WASF3: variants seen among roughly 807,000 people sequenced by gnomAD.
The protein encoded by WASF3 is WASP family member 3.
A neutral mutation model predicts 46.6 loss-of-function variants in WASF3; 11 were observed. The observed-to-expected ratio is 0.24, with a 90% CI of 0.15 to 0.39. The LOEUF is 0.39. Among genes scored for constraint, WASF3 ranks in the 10% least tolerant of loss-of-function variants. The pLI is 1.00. For missense variants in WASF3, 576 were observed against 669.8 expected, an observed-to-expected ratio of 0.86 and a Z score of 1.55; for synonymous variants, 242 against 259.7, an observed-to-expected ratio of 0.93 and a Z score of 0.65.
chr13:26,633,061 CTT>C (rs1297974501), intron 2 of WASF3, among the ~76,000 whole-genome samples: 1 of 152,012 alleles, frequency 6.6e-6, no homozygotes, highest in Non-Finnish European at 1.5e-5. Context: ...ATTCTTTTCT[CTT>C]TTCTTCTTTA....
intron 2 of WASF3, among the ~76,000 whole-genome samples, chr13:26,623,308 G>A (rs1593154242): frequency 6.6e-6 from 1 of 152,280 alleles, no homozygotes; most frequent in East Asian, 1.9e-4. Flanking sequence ...GGTAATCTCA[G>A]CTGCCACTGG....
chr13:26,645,402 C>T (rs570658361), intron 3 of WASF3, among the ~76,000 whole-genome samples: 68 of 152,294 alleles, frequency 4.5e-4, no homozygotes, highest in African/African-American at 1.6e-3. Flanking sequence ...AAGCCACCTA[C>T]TCTGTGGTCT....
rs398022033 is a variant in WASF3, at chr13:26,582,676, CAAAAAAAAAA to C, written c.-109+24871_-109+24880del. On this transcript the variant is annotated intron_variant, in intron 1 of 9. Transcript: ENST00000335327. ...TGGGTGACCGAGTGAGACTCCGTCT[CAAAAAAAAAA>C]AAAAAAAAAAAAAGCCTACCTCACA... Among the ~76,000 whole-genome samples the C allele has an allele frequency of 7.5e-5, 4 of 53,404 alleles. No homozygotes were observed. The East Asian group carries it at 2.0e-3, about 26-fold the overall frequency. 35.0% of individuals were successfully genotyped at this position (53,404 alleles called of 152,430 possible). A position where few individuals can be genotyped will look rare whatever the true frequency, so the allele number is the denominator to read the frequency against.
At chr13:26,665,300 G>A (rs1882738852) in intron 4 of WASF3, 138 bp downstream of exon 4, 11 of 1,040,078 alleles carry the variant, frequency 1.1e-5, no homozygotes, top group Middle Eastern at 2.8e-4. Flanking sequence ...AATAGCGAGG[G>A]GGAAAAACCT....
chr13:26,582,427 G>C (rs1340543333), intron 1 of WASF3, among the ~76,000 whole-genome samples: 1 of 152,030 alleles, frequency 6.6e-6, no homozygotes, highest in Non-Finnish European at 1.5e-5. Flanking sequence ...TGTAATCCTA[G>C]CACTTTGGGA....
rs189365775 is a variant in WASF3 at position 26,628,684 on chromosome 13, G to A, written c.-10-13577G>A. On this transcript the variant is annotated intron_variant, in intron 2 of 9. Coordinates refer to ENST00000335327, the MANE Select transcript of WASF3 (RefSeq NM_006646.6). The stretch of plus-strand genomic sequence containing the variant: ...CATGGTAACATGAGTCCAAAGTACC[G>A]TGGTGGCATCCAGAACTTGCAGTTC... Among the ~76,000 whole-genome samples, 673 of 152,244 alleles carry A rather than the reference G, an allele frequency of 4.4e-3. 19 individuals are homozygous for A. The highest frequency in any genetic ancestry group is 0.039 in the Admixed American group (603 of 15,292).
intron 1 of WASF3, among the ~76,000 whole-genome samples, chr13:26,610,090 C>G (rs554092964): frequency 1.3e-5 from 2 of 152,244 alleles, no homozygotes; most frequent in Admixed American, 6.5e-5. Flanking sequence ...GCGGGACATT[C>G]ATTTGGACAG....
At chr13:26,593,553 T>G (rs1046127719) in intron 1 of WASF3, among the ~76,000 whole-genome samples, 4 of 152,240 alleles carry the variant, frequency 2.6e-5, no homozygotes, top group African/African-American at 7.2e-5. Context: ...GATAATATTC[T>G]TTTGTCACTG....
chr13:26,648,104 C>T (rs942022439), intron 3 of WASF3, among the ~76,000 whole-genome samples: 2 of 152,050 alleles, frequency 1.3e-5, no homozygotes, highest in Admixed American at 6.6e-5. Flanking sequence ...TAATTACATA[C>T]ATCTCTGGTT....
chr13:26,540,449 T>C, the WASF3 span, among the ~76,000 whole-genome samples: 1 of 152,210 alleles, frequency 6.6e-6, no homozygotes, highest in Non-Finnish European at 1.5e-5. Context: ...AGCATTGGCC[T>C]GGCTCCTAAT....
At chr13:26,568,032 G>A (rs534668819) in intron 1 of WASF3, among the ~76,000 whole-genome samples, 92 of 152,174 alleles carry the variant, frequency 6.0e-4, no homozygotes, top group African/African-American at 2.1e-3. Context: ...ATACCGAGTA[G>A]CAGCAGGGAG....
At chr13:26,541,684 T>C in the WASF3 span, among the ~76,000 whole-genome samples, 1 of 152,016 alleles carries the variant, frequency 6.6e-6, no homozygotes, top group African/African-American at 2.4e-5. Context: ...GATCTCACTA[T>C]GTTGACCAGG....
intron 6 of WASF3, among the ~76,000 whole-genome samples, chr13:26,676,133 T>G (rs1250883076): frequency 6.6e-6 from 1 of 152,236 alleles, no homozygotes; most frequent in East Asian, 1.9e-4. Flanking sequence ...ATTATTTTCT[T>G]TGAAAGATAA....
the WASF3 span, among the ~76,000 whole-genome samples, chr13:26,542,845 A>G: frequency 2.0e-5 from 3 of 152,198 alleles, no homozygotes; most frequent in Admixed American, 6.5e-5. Context: ...TGCTCAATAA[A>G]TGCTTATTGA....
intron 2 of WASF3, among the ~76,000 whole-genome samples, chr13:26,621,706 C>A (rs1421620454): frequency 1.3e-5 from 2 of 152,148 alleles, no homozygotes; most frequent in African/African-American, 4.8e-5. Flanking sequence ...CCTTCCCTCC[C>A]CCTAAATCAC....
At chr13:26,677,006 G>A (rs1226769587) in intron 7 of WASF3, among the ~76,000 whole-genome samples, 1 of 152,046 alleles carries the variant, frequency 6.6e-6, no homozygotes, top group South Asian at 2.1e-4. Context: ...TCTGAATTTG[G>A]GGTAACTGCT....
At chr13:26,600,308 A>G (rs1314218124) in intron 1 of WASF3, among the ~76,000 whole-genome samples, 2 of 151,972 alleles carry the variant, frequency 1.3e-5, no homozygotes, top group Non-Finnish European at 1.5e-5. Context: ...TTGACTCTCA[A>G]CTCTATTATG....
At chr13:26,617,873 A>C (rs912860281) in intron 2 of WASF3, among the ~76,000 whole-genome samples, 1 of 151,984 alleles carries the variant, frequency 6.6e-6, no homozygotes, top group African/African-American at 2.4e-5. Context: ...AATTCTCATG[A>C]GATCTGATGA....
At chr13:26,583,112 T>C (rs1880032760) in intron 1 of WASF3, among the ~76,000 whole-genome samples, 2 of 152,344 alleles carry the variant, frequency 1.3e-5, no homozygotes, top group Admixed American at 6.5e-5. Flanking sequence ...GGACAGTTAC[T>C]GTGGATAGCA....
Sources: gnomAD v4.1 joint callset for allele counts (sites outside exome capture counted in the v4.1 genomes callset) on GRCh38, gnomAD v4.1.1 for gene constraint, MANE v1.5 for transcripts, NCBI Gene and HGNC (gene_info 2026-07-23, HGNC 2026-07-21) for gene names.